Variants in PRKN observed in about 807,000 individuals in gnomAD.
PRKN encodes the protein E3 ubiquitin-protein ligase parkin.
Under a neutral mutation model 59.5 loss-of-function variants are expected in PRKN, and 56 were observed. The ratio of observed to expected loss-of-function variants is 0.94; its 90% CI spans 0.76 to 1.18. The LOEUF (loss-of-function observed/expected upper bound fraction) is 1.18, where lower values mean the gene tolerates loss of function less well. Ranked by LOEUF, PRKN falls within the 50% of genes most tolerant of loss-of-function variation. The probability of loss-of-function intolerance (pLI) is 0.00; values close to 1 mark genes in which losing one functional copy is unlikely to be tolerated. For missense variants in PRKN, 657 were observed against 596.4 expected (o/e 1.10, Z -1.06); for synonymous variants, 250 against 222.1 (o/e 1.13, Z -1.12).
Position 161,400,729 on chromosome 6 carries a change from T to C in PRKN, c.1084-13852A>G, listed in dbSNP as rs1049667791. ...CATATGAGTTTCACTTCACACTGTG[T>C]TGAAGAAAAGAGCTGCAGGGGACAG... On this transcript the variant is annotated intron_variant, in intron 9 of 11. Coordinates refer to ENST00000366898, the MANE Select transcript of PRKN (RefSeq NM_004562.3). The surrounding 1 kb of genome is among the most constrained non-coding windows in gnomAD (Gnocchi z 4.2). Among the ~76,000 whole-genome samples the C allele has an allele frequency of 1.3e-5, 2 of 152,140 alleles. No individual in the cohort carries two copies. Among genetic ancestry groups the C allele is most frequent in the Non-Finnish European group, 2.9e-5 (2 of 68,028 alleles).
chr6:162,511,415 G>A (rs965636356), intron 1 of PRKN, among the ~76,000 whole-genome samples: 4 of 150,976 alleles, frequency 2.6e-5, no homozygotes, highest in African/African-American at 4.9e-5. Context: ...CAGGAACACA[G>A]ACATGTACAC....
At chr6:162,526,988 G>T (rs992907936) in intron 1 of PRKN, among the ~76,000 whole-genome samples, 5 of 152,048 alleles carry the variant, frequency 3.3e-5, no homozygotes, top group African/African-American at 1.2e-4. Context: ...CCTGTGTGAG[G>T]CTTGAGCTTT....
chr6:162,639,047 T>G (rs995752340), intron 1 of PRKN, among the ~76,000 whole-genome samples: 5 of 152,162 alleles, frequency 3.3e-5, no homozygotes, highest in African/African-American at 1.2e-4. Flanking sequence ...CTATACGAGC[T>G]AGGTCAAGTT....
rs1202714198 is a variant in PRKN, at chr6:161,378,487, G to C, written c.1167+8307C>G. On this transcript the variant is annotated intron_variant, in intron 10 of 11. Coordinates refer to ENST00000366898, the MANE Select transcript of PRKN (RefSeq NM_004562.3). The surrounding 1 kb of genome is among the most constrained non-coding windows in gnomAD (Gnocchi z 7.3). ...GCCAGTGGGTGTCAGGTGGATCACA[G>C]TGACACCAGGGAAGATGAAGACACT... Among the ~76,000 whole-genome samples the C allele has an allele frequency of 6.6e-6, 1 of 152,224 alleles. No individual in the cohort carries two copies. The highest frequency in any genetic ancestry group is 2.4e-5 in the African/African-American group (1 of 41,464).
In PRKN at chr6:161,460,326, A is replaced by G. The variant is rs1300726047; in HGVS notation, c.1084-73449T>C. On this transcript the variant is annotated intron_variant, in intron 9 of 11. Coordinates refer to ENST00000366898, the MANE Select transcript of PRKN (RefSeq NM_004562.3). The surrounding 1 kb of genome is among the most constrained non-coding windows in gnomAD (Gnocchi z 5.0). ...CAAGATCTTGAAAAGTGGGTTAGAT[A>G]TTGCTTGGGAATAATGGGCAAAGGA... is the stretch of plus-strand genomic sequence containing the variant. 2.6e-5 allele frequency among the ~76,000 whole-genome samples: 4 copies of G among 152,132 alleles called. No homozygotes were observed. Among genetic ancestry groups the G allele is most frequent in the Non-Finnish European group, 5.9e-5 (4 of 68,018 alleles).
rs2128137072 is a variant in PRKN at position 161,578,042 on chromosome 6, G to A, written c.872-8626C>T. On this transcript the variant is annotated intron_variant, in intron 7 of 11. Transcript: ENST00000366898. The surrounding 1 kb of genome is among the most constrained non-coding windows in gnomAD (Gnocchi z 4.2). ...CATAAATGAATCAGACAGGGATTCT[G>A]CCTTCCTGGAGCTTGCAGAAGAAAT... Among the ~76,000 whole-genome samples the A allele has an allele frequency of 6.6e-6, 1 of 152,280 alleles. No individual in the cohort carries two copies. The highest frequency in any genetic ancestry group is 1.9e-4 in the East Asian group (1 of 5,186).
At chr6:162,142,440 C>T (rs982795158) in intron 4 of PRKN, among the ~76,000 whole-genome samples, 3 of 152,132 alleles carry the variant, frequency 2.0e-5, no homozygotes, top group Admixed American at 2.0e-4. Context: ...AGATGAGCAT[C>T]GTTCCTCCAT....
At chr6:161,416,701 A>G (rs1158126750) in intron 9 of PRKN, among the ~76,000 whole-genome samples, 4 of 152,144 alleles carry the variant, frequency 2.6e-5, no homozygotes, top group Admixed American at 2.6e-4. Context: ...ACCAGCTTTT[A>G]ATCTTATTAA....
chr6:161,947,669 T>C (rs1024001617), intron 6 of PRKN, among the ~76,000 whole-genome samples: 3 of 152,248 alleles, frequency 2.0e-5, no homozygotes, highest in Non-Finnish European at 4.4e-5. Context: ...AAAGTTCCTT[T>C]CAGTGAAACA....
chr6:161,654,275 C>A (rs1287577004), intron 7 of PRKN, among the ~76,000 whole-genome samples: 2 of 152,116 alleles, frequency 1.3e-5, no homozygotes, highest in Non-Finnish European at 1.5e-5. Context: ...TTGGCCCTAC[C>A]TGAAAATGTA....
chr6:161,778,705 C>G (rs116427260), intron 7 of PRKN, among the ~76,000 whole-genome samples: 6,739 of 152,082 alleles, frequency 0.044, 483 homozygotes, highest in African/African-American at 0.15. Context: ...GGAGGTCAGC[C>G]AAGAACCTCC....
chr6:162,379,858 T>C (rs939511156), intron 2 of PRKN, among the ~76,000 whole-genome samples: 1 of 152,234 alleles, frequency 6.6e-6, no homozygotes, highest in Non-Finnish European at 1.5e-5. Context: ...ATCTGCTTTT[T>C]ATTTCAGAGA....
At chr6:162,615,605 T>C (rs181764677) in intron 1 of PRKN, among the ~76,000 whole-genome samples, 119 of 152,290 alleles carry the variant, frequency 7.8e-4, no homozygotes, top group African/African-American at 2.8e-3. Flanking sequence ...GGTTAGAGTT[T>C]TGTTTCCCTA....
intron 7 of PRKN, among the ~76,000 whole-genome samples, chr6:161,772,782 A>G (rs975910917): frequency 3.3e-5 from 5 of 152,156 alleles, no homozygotes; most frequent in Non-Finnish European, 7.4e-5. Flanking sequence ...CCTCAACCCA[A>G]TGAGGAAGAC....
In PRKN at chr6:161,352,446, C is replaced by T. The variant is rs1482750777; in HGVS notation, c.1286-2235G>A. Among the ~76,000 whole-genome samples, 1 of 152,004 alleles carries T rather than the reference C, an allele frequency of 6.6e-6. No individual in the cohort carries two copies. Among genetic ancestry groups the T allele is most frequent in the Non-Finnish European group, 1.5e-5 (1 of 68,012 alleles). On this transcript the variant is annotated intron_variant, in intron 11 of 11. Coordinates refer to ENST00000366898, the MANE Select transcript of PRKN (RefSeq NM_004562.3). This position sits in a 1 kb window ranked among gnomAD's most constrained non-coding sequence, Gnocchi z 5.8. The stretch of plus-strand genomic sequence containing the variant: ...TTTCCACTTAGGTTTGTGCCATTTT[C>T]AGCACATATTGCATGGTTGTATATT...
chr6:162,278,081 G>C (rs1157956552), intron 2 of PRKN, among the ~76,000 whole-genome samples: 1 of 152,062 alleles, frequency 6.6e-6, no homozygotes, highest in South Asian at 2.1e-4. Flanking sequence ...GAAAATTATT[G>C]AGCACTAAAG....
intron 9 of PRKN, among the ~76,000 whole-genome samples, chr6:161,479,014 T>C (rs1333889117): frequency 6.6e-6 from 1 of 152,190 alleles, no homozygotes; most frequent in Admixed American, 6.5e-5. Flanking sequence ...AATTTATACA[T>C]AGAGTGTAAC....
chr6:161,982,231 C>CAGT (rs1554257330), intron 5 of PRKN, among the ~76,000 whole-genome samples: 2 of 149,730 alleles, frequency 1.3e-5, no homozygotes, highest in Non-Finnish European at 3.0e-5. Context: ...AAAAGGTTTG[C>CAGT]CCACTGCTCA....
intron 2 of PRKN, among the ~76,000 whole-genome samples, chr6:162,380,739 T>G (rs1283722130): frequency 6.6e-6 from 1 of 151,774 alleles, no homozygotes; most frequent in Non-Finnish European, 1.5e-5. Context: ...AAAAAAACCT[T>G]GAAAAATTCC....
Sources: allele counts gnomAD v4.1 joint callset (sites outside exome capture counted in the v4.1 genomes callset), GRCh38; gene constraint gnomAD v4.1.1; non-coding constraint Gnocchi (gnomAD v3.1); transcripts MANE v1.5; gene names NCBI Gene and HGNC (gene_info 2026-07-23, HGNC 2026-07-21).